Variants in SMPD3 observed in about 807,000 individuals in gnomAD.
SMPD3 encodes the protein nSMase-2.
Under a neutral mutation model 55.7 loss-of-function variants are expected in SMPD3, and 21 were observed. The observed-to-expected ratio is 0.38, with a 90% CI of 0.27 to 0.54. The LOEUF (loss-of-function observed/expected upper bound fraction) is 0.54. Among genes scored for constraint, SMPD3 ranks in the 20% least tolerant of loss-of-function variants. SMPD3 has a pLI of 0.80. For synonymous variants in SMPD3, 457 were observed against 404.3 expected (o/e 1.13, Z -1.56); for missense variants, 842 against 899.6 (o/e 0.94, Z 0.82).
At chr16:68,445,677 G>C (rs780737780) in intron 1 of SMPD3, among the ~76,000 whole-genome samples, 2 of 152,206 alleles carry the variant, frequency 1.3e-5, no homozygotes, top group African/African-American at 2.4e-5. Flanking sequence ...GTGGATACTT[G>C]TGGGAACTGG....
intron 1 of SMPD3, among the ~76,000 whole-genome samples, chr16:68,416,717 T>C (rs1226728711): frequency 6.6e-6 from 1 of 152,202 alleles, no homozygotes; most frequent in Non-Finnish European, 1.5e-5. Flanking sequence ...GTTTAATAGT[T>C]TCCAGGCTGA....
chr16:68,383,845 C>T (rs2090000126), intron 2 of SMPD3, among the ~76,000 whole-genome samples: 1 of 152,186 alleles, frequency 6.6e-6, no homozygotes, highest in Non-Finnish European at 1.5e-5. Flanking sequence ...CCCTGGACCT[C>T]TTCCATACCC....
chr16:68,408,791 C>A (rs1279832228), intron 1 of SMPD3, among the ~76,000 whole-genome samples: 1 of 152,244 alleles, frequency 6.6e-6, no homozygotes, highest in Non-Finnish European at 1.5e-5. Flanking sequence ...ACATTCCCAG[C>A]ATCCCTGAGG....
chr16:68,401,907 C>T (rs969788165), intron 1 of SMPD3, among the ~76,000 whole-genome samples: 1 of 152,164 alleles, frequency 6.6e-6, no homozygotes, highest in African/African-American at 2.4e-5. Context: ...TTCCCGACTG[C>T]CAGCCCAGAT....
chr16:68,369,657 T>C (rs2089594631), intron 3 of SMPD3: 2 of 152,272 alleles, frequency 1.3e-5, no homozygotes, highest in Non-Finnish European at 2.9e-5. Context: ...GTTGGATCTA[T>C]CTGTCAGGAG....
intron 2 of SMPD3, among the ~76,000 whole-genome samples, chr16:68,375,675 C>G (rs1008126685): frequency 6.6e-6 from 1 of 152,200 alleles, no homozygotes; most frequent in Non-Finnish European, 1.5e-5. Context: ...GCTGTGATCC[C>G]AGAAACCCTG....
At position 68,371,220 on chromosome 16, in the gene SMPD3, C is replaced by T. The variant is rs144442248; in HGVS notation, c.962G>A (p.Ser321Asn). ...CACCGAGGCCTTGTACAGGAGCTTG[C>T]TGTTGGCACCTGGCTCCCCGCTGGC... ...TSASGEPGAN[S>N]KLLYKASVVK... is the part of the protein sequence containing the mutation. Residue 321 changes from serine to asparagine, a missense_variant, in exon 3 of 9, where the codon AGC becomes AAC. Ser to Asn is a conservative substitution (Grantham distance 46). This residue lies in a region of SMPD3 where 649 missense variants were observed against 643.6 expected (regional missense o/e 1.01). Transcript: ENST00000219334. 18 of 1,607,578 alleles carry T rather than the reference C, an allele frequency of 1.1e-5. No individual in the cohort carries two copies. In the African/African-American group the frequency reaches 2.0e-4, roughly 18 times the overall value.
At chr16:68,364,483 G>T in intron 5 of SMPD3, 1 of 460,054 alleles carries the variant, frequency 2.2e-6, no homozygotes, top group South Asian at 3.4e-5. Flanking sequence ...TAGTGGACTC[G>T]TCCTTTGTCT....
chr16:68,398,424 T>C (rs1000241326), intron 1 of SMPD3, among the ~76,000 whole-genome samples: 10 of 152,148 alleles, frequency 6.6e-5, no homozygotes, highest in Non-Finnish European at 1.0e-4. Flanking sequence ...CCTCACACTA[T>C]TTTTACCTTC....
chr16:68,385,145 A>G (rs1371153926), intron 2 of SMPD3, among the ~76,000 whole-genome samples: 1 of 152,146 alleles, frequency 6.6e-6, no homozygotes, highest in Non-Finnish European at 1.5e-5. Context: ...ACTACCCCAA[A>G]TGGGTACAGC....
intron 1 of SMPD3, among the ~76,000 whole-genome samples, chr16:68,439,903 G>C (rs1944265046): frequency 6.6e-6 from 1 of 152,312 alleles, no homozygotes; most frequent in Middle Eastern, 3.4e-3. Flanking sequence ...CTTGTAAAGT[G>C]CTGTAAACAC....
At chr16:68,422,067 G>A (rs1340882194) in intron 1 of SMPD3, among the ~76,000 whole-genome samples, 1 of 152,222 alleles carries the variant, frequency 6.6e-6, no homozygotes, top group Non-Finnish European at 1.5e-5. Context: ...GAAAATGGAG[G>A]AAGGAGCAAG....
chr16:68,365,374 C>T (rs2089445903), intron 3 of SMPD3, among the ~76,000 whole-genome samples: 1 of 152,166 alleles, frequency 6.6e-6, no homozygotes, highest in African/African-American at 2.4e-5. Flanking sequence ...GCAAGGCTCC[C>T]CGGAGGCCCA....
chr16:68,386,328 A>G (rs1437412223), intron 2 of SMPD3, among the ~76,000 whole-genome samples: 1 of 151,744 alleles, frequency 6.6e-6, no homozygotes, highest in African/African-American at 2.4e-5. Context: ...TCCTTTTCCC[A>G]TATATTGAGG....
intron 1 of SMPD3, among the ~76,000 whole-genome samples, chr16:68,392,702 A>C (rs577060128): frequency 6.6e-6 from 1 of 152,210 alleles, no homozygotes; most frequent in South Asian, 2.1e-4. Flanking sequence ...TTCTACTAAA[A>C]AGACAAAAAT....
intron 1 of SMPD3, among the ~76,000 whole-genome samples, chr16:68,442,593 C>G (rs2090575553): frequency 6.6e-6 from 1 of 152,158 alleles, no homozygotes; most frequent in Admixed American, 6.5e-5. Context: ...ATTAATTGCA[C>G]TTTCTCATAT....
chr16:68,398,066 A>G (rs1025024701), intron 1 of SMPD3, among the ~76,000 whole-genome samples: 2 of 151,844 alleles, frequency 1.3e-5, no homozygotes, highest in African/African-American at 2.4e-5. Flanking sequence ...AGGGAGTCCA[A>G]GAGGTGGGTG....
intron 1 of SMPD3, among the ~76,000 whole-genome samples, chr16:68,416,137 T>C (rs182391677): frequency 2.0e-5 from 3 of 152,300 alleles, no homozygotes; most frequent in African/African-American, 7.2e-5. Context: ...AGACCAGACC[T>C]CTATGAAGGA....
At position 68,419,889 on chromosome 16, in the gene SMPD3, T is replaced by C. The variant is rs1043946048; in HGVS notation, c.-269+28464A>G. ...TCCACCTATCACTAATTGTGGGAAC[T>C]TGGAGGTCACTTTGTTCTTGGGCTC... is the stretch of plus-strand genomic sequence containing the variant. On this transcript the variant is annotated intron_variant, in intron 1 of 8. Transcript: ENST00000219334. Among the ~76,000 whole-genome samples, 2 of 152,098 alleles carry C rather than the reference T, an allele frequency of 1.3e-5. 1 individual carries two copies. Among genetic ancestry groups the C allele is most frequent in the Non-Finnish European group, 2.9e-5 (2 of 68,020 alleles).
Sources: gnomAD v4.1 joint callset for allele counts (sites outside exome capture counted in the v4.1 genomes callset) on GRCh38, gnomAD v4.1.1 for gene constraint, gnomAD v4.1.1 regional missense constraint, MANE v1.5 for transcripts, NCBI Gene and HGNC (gene_info 2026-07-23, HGNC 2026-07-21) for gene names.